Variants in GRIK2 observed in about 807,000 individuals in gnomAD.
GRIK2 encodes glutamate receptor ionotropic, kainate 2.
In GRIK2, 32 loss-of-function variants were observed where a neutral mutation model predicts 100.3. The observed-to-expected ratio is 0.32, with a 90% CI of 0.24 to 0.43. The LOEUF (loss-of-function observed/expected upper bound fraction) is 0.43. Ranked by LOEUF, GRIK2 falls within the 20% of genes least tolerant of loss-of-function variation. GRIK2 has a pLI of 1.00. For missense variants in GRIK2, 843 were observed against 1,114.9 expected, an observed-to-expected ratio of 0.76 and a Z score of 3.47; for synonymous variants, 417 against 389.4, an observed-to-expected ratio of 1.07 and a Z score of -0.83.
At chr6:101,555,644 T>G (rs1466522796) in intron 2 of GRIK2, among the ~76,000 whole-genome samples, 2 of 152,212 alleles carry the variant, frequency 1.3e-5, no homozygotes. Context: ...ATTTACTTAA[T>G]TCAGAATTAT....
intron 2 of GRIK2, among the ~76,000 whole-genome samples, chr6:101,441,697 A>T (rs1300597146): frequency 2.6e-5 from 4 of 152,082 alleles, no homozygotes; most frequent in Non-Finnish European, 5.9e-5. Flanking sequence ...ATGAGTAAAC[A>T]TGTATGGGGT....
intron 7 of GRIK2, among the ~76,000 whole-genome samples, chr6:101,699,869 G>A (rs148008810): frequency 7.2e-5 from 11 of 152,142 alleles, no homozygotes; most frequent in South Asian, 2.1e-4. Context: ...CACCAAAGCC[G>A]GGCTTGGTGG....
At chr6:101,545,251 T>A (rs2128290076) in intron 2 of GRIK2, among the ~76,000 whole-genome samples, 1 of 152,314 alleles carries the variant, frequency 6.6e-6, no homozygotes, top group African/African-American at 2.4e-5. Context: ...TGAGTGCTTC[T>A]GTTATCTACC....
intron 12 of GRIK2, among the ~76,000 whole-genome samples, chr6:101,904,237 A>C (rs1336672391): frequency 6.6e-6 from 1 of 151,572 alleles, no homozygotes; most frequent in African/African-American, 2.4e-5. Context: ...CTAAGAATCT[A>C]GTCTCCTGAT....
At position 101,700,992 on chromosome 6, in the gene GRIK2, T is replaced by C. The variant is rs561317987; in HGVS notation, c.951+14639T>C. Among the ~76,000 whole-genome samples the C allele has an allele frequency of 4.6e-4, 70 of 152,212 alleles. 1 individual carries two copies. The highest frequency in any genetic ancestry group is 8.3e-4 in the South Asian group (4 of 4,820). Reference sequence around the variant, plus strand: ...AGTGCTTTTCACCGAAGTGGGGCTATTGCAAAAGCAGGGAGCTTGAAAAGG... The same window carrying C: ...AGTGCTTTTCACCGAAGTGGGGCTACTGCAAAAGCAGGGAGCTTGAAAAGG... On this transcript the variant is annotated intron_variant, in intron 7 of 16. Coordinates refer to ENST00000369134, the MANE Select transcript of GRIK2 (RefSeq NM_021956.5).
chr6:101,799,026 G>A (rs952117811), intron 7 of GRIK2, among the ~76,000 whole-genome samples: 2 of 151,954 alleles, frequency 1.3e-5, no homozygotes, highest in Admixed American at 1.3e-4. Context: ...CTTGAAAAGC[G>A]GGTAATACAG....
chr6:101,689,245 G>T (rs1490328946), intron 7 of GRIK2, among the ~76,000 whole-genome samples: 1 of 152,052 alleles, frequency 6.6e-6, no homozygotes. Flanking sequence ...TGAGATCTCA[G>T]TGTTTATGTA....
At chr6:101,405,395 A>ATTGT (rs200329990) in intron 2 of GRIK2, among the ~76,000 whole-genome samples, 1,633 of 152,258 alleles carry the variant, frequency 0.011, 34 homozygotes, top group African/African-American at 0.037. Context: ...GGCATTTAAA[A>ATTGT]TTGAGCATAT....
chr6:102,066,591 A>T (rs1359468279), intron 16 of GRIK2, among the ~76,000 whole-genome samples: 2 of 151,546 alleles, frequency 1.3e-5, no homozygotes, highest in Non-Finnish European at 3.0e-5. Flanking sequence ...AAGATGAAAG[A>T]ACTCAGCAGG....
At chr6:101,585,096 TATA>T (rs1778292353) in intron 2 of GRIK2, among the ~76,000 whole-genome samples, 2 of 152,038 alleles carry the variant, frequency 1.3e-5, no homozygotes, top group African/African-American at 2.4e-5. Flanking sequence ...TGAGCAAGTT[TATA>T]ATAATCTCCT....
intron 2 of GRIK2, among the ~76,000 whole-genome samples, chr6:101,607,977 C>T (rs1290299342): frequency 6.6e-6 from 1 of 151,570 alleles, no homozygotes; most frequent in East Asian, 2.0e-4. Context: ...TTATCATTGT[C>T]TTTGCCAGTA....
At chr6:101,847,842 C>A (rs1352588640) in intron 10 of GRIK2, among the ~76,000 whole-genome samples, 4 of 152,044 alleles carry the variant, frequency 2.6e-5, no homozygotes, top group African/African-American at 7.2e-5. Context: ...CCAAGTATTT[C>A]CTCCCTAGTC....
intron 15 of GRIK2, among the ~76,000 whole-genome samples, chr6:102,049,424 T>A (rs957732786): frequency 1.3e-5 from 2 of 152,092 alleles, no homozygotes. Context: ...CAAATTGAAT[T>A]TAAAAGAAAA....
chr6:101,486,805 T>G (rs1772858853), intron 2 of GRIK2, among the ~76,000 whole-genome samples: 1 of 146,690 alleles, frequency 6.8e-6, no homozygotes, highest in Non-Finnish European at 1.5e-5. Context: ...GGTATTTTGA[T>G]TTACAAGTGT....
At chr6:102,003,555 A>T (rs2114272110) in intron 14 of GRIK2, among the ~76,000 whole-genome samples, 1 of 151,962 alleles carries the variant, frequency 6.6e-6, no homozygotes, top group African/African-American at 2.4e-5. Flanking sequence ...TGTTATTCAT[A>T]TCCCAAATAT....
intron 7 of GRIK2, among the ~76,000 whole-genome samples, chr6:101,722,344 T>C (rs1224996346): frequency 2.0e-5 from 3 of 152,068 alleles, no homozygotes; most frequent in African/African-American, 7.2e-5. Flanking sequence ...TTTGACCTTA[T>C]AGTGCTATAT....
At chr6:101,544,548 C>T (rs371032572) in intron 2 of GRIK2, among the ~76,000 whole-genome samples, 89 of 152,186 alleles carry the variant, frequency 5.8e-4, no homozygotes, top group Admixed American at 1.3e-3. Context: ...ACCACTGAAG[C>T]GCTTCACTTC....
chr6:101,980,760 C>T (rs1010873276), intron 14 of GRIK2, among the ~76,000 whole-genome samples: 9 of 151,380 alleles, frequency 5.9e-5, no homozygotes, highest in Admixed American at 2.0e-4. Flanking sequence ...TATAATGCCA[C>T]GTGGAGTCAT....
At chr6:101,681,533 C>A (rs748669398) in intron 5 of GRIK2, among the ~76,000 whole-genome samples, 1 of 151,612 alleles carries the variant, frequency 6.6e-6, no homozygotes, top group Non-Finnish European at 1.5e-5. Flanking sequence ...CTGCACCCAG[C>A]CAGCATTTAT....
Sources: allele counts gnomAD v4.1 joint callset (sites outside exome capture counted in the v4.1 genomes callset), GRCh38; gene constraint gnomAD v4.1.1; transcripts MANE v1.5; gene names NCBI Gene and HGNC (gene_info 2026-07-23, HGNC 2026-07-21).